GNAQ: variants seen among roughly 807,000 people sequenced by gnomAD.
The protein encoded by GNAQ is guanine nucleotide-binding protein G(q) subunit alpha.
GNAQ carries 8 observed loss-of-function variants against 43.9 expected under a neutral mutation model. That is an observed-to-expected ratio of 0.18 (90% CI 0.11 to 0.33). The LOEUF (loss-of-function observed/expected upper bound fraction) is 0.33. Among genes scored for constraint, GNAQ ranks in the 10% least tolerant of loss-of-function variants. The pLI, the probability that GNAQ is intolerant of heterozygous loss-of-function variation, is 1.00. For missense variants in GNAQ, 158 were observed against 450.8 expected, an observed-to-expected ratio of 0.35 and a Z score of 5.88; for synonymous variants, 155 against 170.7, an observed-to-expected ratio of 0.91 and a Z score of 0.71.
At chr9:77,828,537 T>G (rs866527709) in intron 2 of GNAQ, among the ~76,000 whole-genome samples, 1 of 152,244 alleles carries the variant, frequency 6.6e-6, no homozygotes, top group Non-Finnish European at 1.5e-5. Flanking sequence ...GTATCGTGCC[T>G]GTCACTGCTA....
chr9:77,893,495 G>C (rs1828437838), intron 2 of GNAQ, among the ~76,000 whole-genome samples: 2 of 152,196 alleles, frequency 1.3e-5, no homozygotes, highest in Non-Finnish European at 1.5e-5. Flanking sequence ...GTTTAGCACA[G>C]AATCAAGAAA....
intron 1 of GNAQ, among the ~76,000 whole-genome samples, chr9:78,012,288 A>G (rs1823782768): frequency 6.9e-6 from 1 of 144,790 alleles, no homozygotes; most frequent in Admixed American, 7.1e-5. Context: ...CCCAGGCTGG[A>G]GTGCAATGGC....
chr9:77,721,175 A>G lies in GNAQ; in HGVS notation c.*148T>C. 1.8e-6 allele frequency: 1 copy of G among 547,642 alleles called. No individual in the cohort carries two copies. The highest frequency in any genetic ancestry group is 3.1e-5 in the East Asian group (1 of 32,712). The allele number at this position is 547,642 out of a possible 1,614,324, so 33.9% of individuals were successfully genotyped here. On this transcript the variant is annotated 3_prime_UTR_variant, in exon 7 of 7. Coordinates refer to ENST00000286548, the MANE Select transcript of GNAQ (RefSeq NM_002072.5). ...TAGTTTAAATAAAATCATAATATTTACTACAAACTCTGTGGACACGCTCAC... is the reference window on the plus strand; with the variant it reads ...TAGTTTAAATAAAATCATAATATTTGCTACAAACTCTGTGGACACGCTCAC...
chr9:77,973,423 C>T (rs1216801020), intron 1 of GNAQ, among the ~76,000 whole-genome samples: 1 of 152,146 alleles, frequency 6.6e-6, no homozygotes, highest in Non-Finnish European at 1.5e-5. Context: ...GCAGGTCTAA[C>T]GTGTATGGAA....
At chr9:77,987,129 C>T (rs955314328) in intron 1 of GNAQ, among the ~76,000 whole-genome samples, 11 of 152,012 alleles carry the variant, frequency 7.2e-5, no homozygotes, top group African/African-American at 2.7e-4. Flanking sequence ...CTTTGCCTGT[C>T]GTCATGTTGT....
intron 1 of GNAQ, among the ~76,000 whole-genome samples, chr9:77,997,285 C>G (rs1196840877): frequency 1.3e-5 from 2 of 152,190 alleles, no homozygotes; most frequent in African/African-American, 4.8e-5. Flanking sequence ...TCACCCTTTT[C>G]TATAAAATGT....
At chr9:77,763,333 T>C (rs2118347005) in intron 5 of GNAQ, among the ~76,000 whole-genome samples, 1 of 152,292 alleles carries the variant, frequency 6.6e-6, no homozygotes, top group African/African-American at 2.4e-5. Context: ...ATGATAATAT[T>C]TTTTGTGTAA....
At chr9:77,779,362 A>C (rs536453469) in intron 5 of GNAQ, among the ~76,000 whole-genome samples, 14 of 151,970 alleles carry the variant, frequency 9.2e-5, no homozygotes, top group Non-Finnish European at 1.8e-4. Context: ...GAACTAAACG[A>C]AAAATTAAAA....
At chr9:77,990,566 T>C (rs1353589533) in intron 1 of GNAQ, among the ~76,000 whole-genome samples, 1 of 152,204 alleles carries the variant, frequency 6.6e-6, no homozygotes, top group Non-Finnish European at 1.5e-5. Context: ...GCTCCAGGTT[T>C]TTCACACTTT....
At chr9:77,997,424 C>T (rs979965918) in intron 1 of GNAQ, among the ~76,000 whole-genome samples, 9 of 152,214 alleles carry the variant, frequency 5.9e-5, no homozygotes, top group African/African-American at 2.2e-4. Context: ...ACTTCCTCTG[C>T]CATCGAATTC....
At chr9:77,937,280 A>G (rs1829244912) in intron 1 of GNAQ, among the ~76,000 whole-genome samples, 1 of 152,056 alleles carries the variant, frequency 6.6e-6, no homozygotes, top group Admixed American at 6.5e-5. Context: ...TCTCTACTAA[A>G]AATACAAAAA....
chr9:78,025,446 C>G (rs997440479), intron 1 of GNAQ, among the ~76,000 whole-genome samples: 1 of 152,186 alleles, frequency 6.6e-6, no homozygotes, highest in Non-Finnish European at 1.5e-5. Flanking sequence ...TACCAACAAT[C>G]GCACATTTTA....
chr9:78,022,367 A>G lies in GNAQ; in HGVS notation c.136+8733T>C, dbSNP rs1823921657. 2.6e-5 allele frequency among the ~76,000 whole-genome samples: 4 copies of G among 152,212 alleles called. No individual in the cohort carries two copies. The South Asian group carries it at 8.3e-4, about 32-fold the overall frequency. ...ATCTCCTCATTCTACAGGTTTTTATAGAAAAAGCAAATGATCAAAATACCC... is the reference window on the plus strand; with the variant it reads ...ATCTCCTCATTCTACAGGTTTTTATGGAAAAAGCAAATGATCAAAATACCC... On this transcript the variant is annotated intron_variant, in intron 1 of 6. Coordinates refer to ENST00000286548, the MANE Select transcript of GNAQ (RefSeq NM_002072.5).
At chr9:77,749,839 G>A (rs2118288251) in intron 5 of GNAQ, among the ~76,000 whole-genome samples, 1 of 152,104 alleles carries the variant, frequency 6.6e-6, no homozygotes, top group Non-Finnish European at 1.5e-5. Context: ...ATAAAAAAAT[G>A]CTAACAAGAC....
chr9:77,961,395 C>T (rs184735739), intron 1 of GNAQ, among the ~76,000 whole-genome samples: 59 of 152,236 alleles, frequency 3.9e-4, no homozygotes, highest in African/African-American at 1.4e-3. Context: ...CTAGAATGTG[C>T]ATGACAGAAT....
At chr9:77,855,635 G>C (rs562382915) in intron 2 of GNAQ, among the ~76,000 whole-genome samples, 1 of 151,930 alleles carries the variant, frequency 6.6e-6, no homozygotes, top group Non-Finnish European at 1.5e-5. Context: ...ATTACCCACA[G>C]CAAGAAAACA....
At chr9:77,804,754 T>G (rs1826799916) in intron 3 of GNAQ, among the ~76,000 whole-genome samples, 1 of 152,212 alleles carries the variant, frequency 6.6e-6, no homozygotes, top group African/African-American at 2.4e-5. Context: ...ATAGAGAGGC[T>G]GCATTTATAA....
chr9:77,947,910 G>A (rs1369265723), intron 1 of GNAQ, among the ~76,000 whole-genome samples: 2 of 152,082 alleles, frequency 1.3e-5, no homozygotes, highest in African/African-American at 4.8e-5. Flanking sequence ...GGGACCTAGA[G>A]CAACTTACTT....
intron 5 of GNAQ, among the ~76,000 whole-genome samples, chr9:77,772,356 T>C (rs1826235127): frequency 6.6e-6 from 1 of 152,184 alleles, no homozygotes; most frequent in Admixed American, 6.5e-5. Context: ...GTGCGGAAAC[T>C]CCCAGGTTGG....
Sources: gnomAD v4.1 joint callset for allele counts (sites outside exome capture counted in the v4.1 genomes callset) on GRCh38, gnomAD v4.1.1 for gene constraint, MANE v1.5 for transcripts, NCBI Gene and HGNC (gene_info 2026-07-23, HGNC 2026-07-21) for gene names.